Variants in GIPC1 observed in about 807,000 individuals in gnomAD.
GIPC1 encodes GIPC PDZ domain containing family member 1.
In GIPC1, 15 loss-of-function variants were observed where a neutral mutation model predicts 28.5. The observed-to-expected ratio is 0.53, with a 90% confidence interval of 0.35 to 0.81. The LOEUF (loss-of-function observed/expected upper bound fraction) is 0.81, where lower values mean the gene tolerates loss of function less well. Among genes scored for constraint, GIPC1 ranks in the 30% least tolerant of loss-of-function variants. The pLI is 0.01. For missense variants in GIPC1, 439 were observed against 481.9 expected (o/e 0.91, Z 0.83); for synonymous variants, 224 against 206.1 (o/e 1.09, Z -0.74).
Position 14,495,598 on chromosome 19 carries a change from C to T in GIPC1, c.-175+439G>A, listed in dbSNP as rs112115076. The stretch of plus-strand genomic sequence containing the variant: ...TGACACGGAAGCTCTCCAATAAATG[C>T]TAGCTGAGGTGGAGTTTTTCATGAC... On this transcript the variant is annotated intron_variant, in intron 1 of 8. Transcript: ENST00000393033. Among the ~76,000 whole-genome samples the T allele has an allele frequency of 7.0e-3, 1,067 of 152,214 alleles. 13 individuals are homozygous for T. The highest frequency in any genetic ancestry group is 0.024 in the African/African-American group (1,008 of 41,520).
chr19:14,491,300 C>A (rs918430748), intron 3 of GIPC1, among the ~76,000 whole-genome samples: 4 of 151,960 alleles, frequency 2.6e-5, no homozygotes, highest in African/African-American at 9.7e-5. Context: ...ACTCTGTCAC[C>A]CAGGCTGGAG....
chr19:14,486,712 C>CTTTTTT (rs35491814), intron 3 of GIPC1, among the ~76,000 whole-genome samples: 28 of 124,754 alleles, frequency 2.2e-4, no homozygotes, highest in Non-Finnish European at 3.3e-4. Context: ...TTCTTTCTTT[C>CTTTTTT]TTTTTTTTTT....
Position 14,480,288 on chromosome 19 carries a change from AG to A in GIPC1, c.655+16del. ...GCGAGCAGCGCCACTGGGGAGGTCC[AG>A]GGGGCGGCTCCTCACCGAAGGCCTT... On this transcript the variant is annotated intron_variant, in intron 6 of 8. Coordinates refer to ENST00000393033, the MANE Select transcript of GIPC1 (RefSeq NM_005716.4). 3 of 1,603,454 alleles carry A rather than the reference AG, an allele frequency of 1.9e-6. No individual in the cohort carries two copies.
At position 14,482,834 on chromosome 19, in the gene GIPC1, G is replaced by C; in HGVS notation, c.143C>G (p.Pro48Arg). ...GGGCCGCAGGGCTGGGGGAGGGGGG[G>C]GCAAGCCCATTTGGGGGCCCCCCGA... is the stretch of plus-strand genomic sequence containing the variant. The part of the protein sequence containing the change: ...GGSGGPQMGL[P>R]PPPPALRPRL... Residue 48 changes from proline to arginine, a missense_variant, in exon 4 of 9, where the codon CCC (proline) becomes CGC (arginine). Transcript: ENST00000393033. The C allele has an allele frequency of 6.3e-7, 1 of 1,578,264 alleles. No homozygotes were observed. Among genetic ancestry groups the C allele is most frequent in the Middle Eastern group, 2.2e-4 (1 of 4,472 alleles).
rs373226330 is a variant in GIPC1, at chr19:14,478,599, A to T, written c.851-32T>A. 2.5e-6 allele frequency: 4 copies of T among 1,613,428 alleles called. No individual in the cohort carries two copies. Among genetic ancestry groups the T allele is most frequent in the East Asian group, 2.2e-5 (1 of 44,850 alleles). On this transcript the variant is annotated intron_variant, in intron 8 of 8. Transcript: ENST00000393033. This position sits in a 1 kb window ranked among gnomAD's most constrained non-coding sequence, Gnocchi z 5.2. ...GGGGAGGGGTCAGAACGGAGGCACA[A>T]ATGACACCAGGGACCAAGGGGCTCA... is the stretch of plus-strand genomic sequence containing the variant.
At chr19:14,492,456 G>A (rs1004614136) in intron 2 of GIPC1, among the ~76,000 whole-genome samples, 1 of 151,982 alleles carries the variant, frequency 6.6e-6, no homozygotes, top group Non-Finnish European at 1.5e-5. Flanking sequence ...ACAGGTGCCC[G>A]CCACCATGCC....
In GIPC1 at chr19:14,496,076, T is replaced by TCCGCCGCCTCCGCCGCCTCCTCC. The variant is rs1568371792; in HGVS notation, c.-215_-214insGGAGGAGGCGGCGGAGGCGGCGG. The TCCGCCGCCTCCGCCGCCTCCTCC allele has an allele frequency of 4.9e-6, 1 of 203,588 alleles. No individual in the cohort carries two copies. Among genetic ancestry groups the TCCGCCGCCTCCGCCGCCTCCTCC allele is most frequent in the African/African-American group, 3.0e-5 (1 of 33,426 alleles). 12.6% of individuals were successfully genotyped at this position (203,588 alleles called of 1,614,324 possible). On this transcript the variant is annotated 5_prime_UTR_variant, in exon 1 of 9. Transcript: ENST00000393033. ...CCGCCGCCGCCGCCGCCGCCGCCGC[T>TCCGCCGCCTCCGCCGCCTCCTCC]GCCTCCGCCTCCCCGTGCGCACCCG...
At chr19:14,485,738 G>GAGAGAGAGAGAGAGAGACAGAC (rs1555721833) in intron 3 of GIPC1, among the ~76,000 whole-genome samples, 2 of 141,666 alleles carry the variant, frequency 1.4e-5, no homozygotes, top group African/African-American at 5.3e-5. Context: ...GAGAGAGAGA[G>GAGAGAGAGAGAGAGAGACAGAC]AGACAGAGAG....
intron 3 of GIPC1, among the ~76,000 whole-genome samples, chr19:14,490,465 G>A (rs1441184387): frequency 6.6e-6 from 1 of 150,486 alleles, no homozygotes; most frequent in Admixed American, 6.7e-5. Flanking sequence ...ATCACCTGAG[G>A]TCGAGAGTTC....
intron 3 of GIPC1, among the ~76,000 whole-genome samples, chr19:14,489,134 A>G (rs951653675): frequency 2.6e-5 from 4 of 151,910 alleles, no homozygotes; most frequent in African/African-American, 9.7e-5. Flanking sequence ...CGTTGCCCAG[A>G]TTGGTCCTGA....
Position 14,482,907 on chromosome 19 carries a change from G to A in GIPC1, c.70C>T (p.Arg24Cys), listed in dbSNP as rs759463707. The A allele has an allele frequency of 2.0e-5, 32 of 1,604,690 alleles. No homozygotes were observed. Among genetic ancestry groups the A allele is most frequent in the Admixed American group, 1.9e-4 (11 of 59,106 alleles). ...GGCTCCCCCACGCCCAGCCCTCCAC[G>A]GCCTGGCTCAGCCTCCTCATTTTCC... ...LVENEEAEPG[R>C]GGLGVGEPGP... The change falls in exon 4 of 9, where the codon CGT (arginine) becomes TGT (cysteine). Residue 24 changes from arginine (R) to cysteine (C), a missense_variant. Coordinates refer to ENST00000393033, the MANE Select transcript of GIPC1 (RefSeq NM_005716.4).
intron 3 of GIPC1, among the ~76,000 whole-genome samples, chr19:14,485,702 T>TATATATATATAG (rs1300117748): frequency 0.014 from 799 of 58,442 alleles, 4 homozygotes; most frequent in Non-Finnish European, 0.02. Flanking sequence ...TATATATATA[T>TATATATATATAG]AGAGAGAGAG....
chr19:14,491,940 C>T (rs1219460328), intron 2 of GIPC1, among the ~76,000 whole-genome samples, 197 bp from the exon 3 acceptor site: 1 of 152,028 alleles, frequency 6.6e-6, no homozygotes, highest in Non-Finnish European at 1.5e-5. Flanking sequence ...TGGTGGCGGG[C>T]GCCTGCAGTC....
chr19:14,487,228 C>A (rs1003584574), intron 3 of GIPC1, among the ~76,000 whole-genome samples: 3 of 146,372 alleles, frequency 2.0e-5, no homozygotes, highest in Non-Finnish European at 3.0e-5. Context: ...TCTTTTTTTT[C>A]TTTCTTTCTT....
In GIPC1 at chr19:14,479,452, A is replaced by AT. The variant is rs2071675627; in HGVS notation, c.727_728insA (p.Leu243HisfsTer19). ...GGCGGGGCCCCGGGATCGGAGCCGC[A>AT]GGGTCCCTCGGCCAGTGCCCAGTTG... On this transcript the variant is annotated frameshift_variant, in exon 7 of 9. Transcript: ENST00000393033. LOFTEE classifies it high-confidence loss of function. 1 of 1,430,342 alleles carries AT rather than the reference A, an allele frequency of 7.0e-7. No individual in the cohort carries two copies. Among genetic ancestry groups the AT allele is most frequent in the African/African-American group, 1.5e-5 (1 of 66,482 alleles). 88.6% of individuals were successfully genotyped at this position (1,430,342 alleles called of 1,614,324 possible). A position where few individuals can be genotyped will look rare whatever the true frequency, so the allele number is the denominator to read the frequency against.
At chr19:14,490,684 A>G (rs2071950326) in intron 3 of GIPC1, among the ~76,000 whole-genome samples, 1 of 151,228 alleles carries the variant, frequency 6.6e-6, no homozygotes, top group African/African-American at 2.4e-5. Flanking sequence ...TCTCAAAAAG[A>G]AAAAAAAGGC....
Position 14,480,638 on chromosome 19 carries a change from G to A in GIPC1, c.429C>T (p.Leu143=), listed in dbSNP as rs767290686. 6 of 1,614,200 alleles carry A rather than the reference G, an allele frequency of 3.7e-6. No individual in the cohort carries two copies. The highest frequency in any genetic ancestry group is 5.1e-6 in the Non-Finnish European group (6 of 1,180,026). Residue 143 remains leucine (L), a synonymous_variant, in exon 5 of 9, where the codon CTC becomes CTT. Coordinates refer to ENST00000393033, the MANE Select transcript of GIPC1 (RefSeq NM_005716.4). ...CCCCGTTGTCCGTGATGGTGAGCCC[G>A]AGTGCATCCTCCGACTTGAACACCT... ...EVEVFKSEDA[L]GLTITDNGAG...
At chr19:14,489,711 A>C in intron 3 of GIPC1, 1 of 727,748 alleles carries the variant, frequency 1.4e-6, no homozygotes. Flanking sequence ...TTTTCATATT[A>C]GACTTTTTGT....
At position 14,496,039 on chromosome 19, in the gene GIPC1, G is replaced by GCTCCGC. The variant is rs1555723634; in HGVS notation, c.-183_-178dup. On this transcript the variant is annotated 5_prime_UTR_variant, in exon 1 of 9. Coordinates refer to ENST00000393033, the MANE Select transcript of GIPC1 (RefSeq NM_005716.4). The stretch of plus-strand genomic sequence containing the variant: ...TCCTTCTCGCAGAGGCCACTCACCT[G>GCTCCGC]CTCCGCCGCCGCCGCCGCCGCCGCC... The GCTCCGC allele has an allele frequency of 2.9e-3, 557 of 193,480 alleles. 4 individuals carry two copies. The highest frequency in any genetic ancestry group is 4.4e-3 in the Admixed American group (58 of 13,114). The allele number at this position is 193,480 out of a possible 1,614,324, so 12.0% of individuals were successfully genotyped here. A position where few individuals can be genotyped will look rare whatever the true frequency, so the allele number is the denominator to read the frequency against.
Sources: gnomAD v4.1 joint callset for allele counts (sites outside exome capture counted in the v4.1 genomes callset) on GRCh38, gnomAD v4.1.1 for gene constraint, Gnocchi (gnomAD v3.1) non-coding constraint, MANE v1.5 for transcripts, NCBI Gene and HGNC (gene_info 2026-07-23, HGNC 2026-07-21) for gene names.